The following IL18RAP variants were observed in gnomAD, a reference collection of about 807,000 sequenced individuals.
IL18RAP encodes the protein interleukin-18 receptor accessory protein.
In IL18RAP, 37 loss-of-function variants were observed where a neutral mutation model predicts 58.1. The ratio of observed to expected loss-of-function variants is 0.64; its 90% CI spans 0.49 to 0.84. IL18RAP has a LOEUF of 0.84. Among genes scored for constraint, IL18RAP ranks in the 40% least tolerant of loss-of-function variants. The probability of loss-of-function intolerance (pLI) is 0.00; values close to 1 mark genes in which losing one functional copy is unlikely to be tolerated. For missense variants in IL18RAP, 667 were observed against 704.8 expected, an observed-to-expected ratio of 0.95 and a Z score of 0.61; for synonymous variants, 268 against 257.5, an observed-to-expected ratio of 1.04 and a Z score of -0.39.
intron 3 of IL18RAP, 39 bp downstream of exon 3, chr2:102,424,453 T>G: frequency 6.5e-7 from 1 of 1,534,436 alleles, no homozygotes; most frequent in Non-Finnish European, 9.0e-7. Context: ...AAGAGCATTG[T>G]TTTTATGGTA....
At chr2:102,444,277 T>C (rs929298457) in intron 6 of IL18RAP, among the ~76,000 whole-genome samples, 1 of 152,216 alleles carries the variant, frequency 6.6e-6, no homozygotes, top group Non-Finnish European at 1.5e-5. Flanking sequence ...TAAGCTGATA[T>C]TGCATTAGAG....
chr2:102,432,484 T>G (rs919513105), intron 3 of IL18RAP: 1 of 154,380 alleles, frequency 6.5e-6, no homozygotes, highest in Non-Finnish European at 1.5e-5. Context: ...GAATGTGTAG[T>G]TGGGCAGGAC....
At chr2:102,419,205 T>C (rs11465676), upstream of IL18RAP, among the ~76,000 whole-genome samples, 2,576 of 152,318 alleles carry the variant, frequency 0.017, 74 homozygotes, top group African/African-American at 0.059. Flanking sequence ...GCAGAGAGAT[T>C]CAAGATATTT....
intron 3 of IL18RAP, among the ~76,000 whole-genome samples, chr2:102,429,455 C>T (rs1187285321): frequency 5.3e-5 from 8 of 151,668 alleles, no homozygotes; most frequent in Non-Finnish European, 1.0e-4. Flanking sequence ...TTTGAGTGTT[C>T]TCTTTTTTCT....
Position 102,452,140 on chromosome 2 carries a change from A to G in IL18RAP, c.1759A>G (p.Thr587Ala). 1 of 1,613,162 alleles carries G rather than the reference A, an allele frequency of 6.2e-7. No individual in the cohort carries two copies. The highest frequency in any genetic ancestry group is 1.1e-5 in the South Asian group (1 of 90,882). The change falls in exon 10 of 10, where the codon ACA (threonine) becomes GCA (alanine). Residue 587 changes from threonine to alanine, a missense_variant. Transcript: ENST00000687160. ...RIFQWKGLSRTETTGRSSQPK... is the reference protein window; with the variant it reads ...RIFQWKGLSRAETTGRSSQPK... ...TTTTCAGTGGAAAGGACTCAGTAGA[A>G]CAGAAACCACTGGGAGGAGCTCCCA...
chr2:102,450,810 A>G, intron 8 of IL18RAP, 38 bp from the exon 9 acceptor site: 1 of 1,399,462 alleles, frequency 7.1e-7, no homozygotes, highest in Non-Finnish European at 9.8e-7. Context: ...AAAAAAGAGT[A>G]AATGACTTAT....
At position 102,452,259 on chromosome 2, in the gene IL18RAP, T is replaced by G; in HGVS notation, c.*78T>G. On this transcript the variant is annotated 3_prime_UTR_variant, in exon 10 of 10. Coordinates refer to ENST00000687160, the MANE Select transcript of IL18RAP (RefSeq NM_001393487.1). ...GACAGAACTCACAGCTCTGTGTGTG[T>G]GTGTTCAGGCTGATAGGAAATTCAA... 3 of 1,348,942 alleles carry G rather than the reference T, an allele frequency of 2.2e-6. No homozygotes were observed. Among genetic ancestry groups the G allele is most frequent in the Non-Finnish European group, 3.1e-6 (3 of 983,208 alleles). 83.6% of individuals were successfully genotyped at this position (1,348,942 alleles called of 1,614,324 possible).
intron 3 of IL18RAP, among the ~76,000 whole-genome samples, chr2:102,436,699 G>A (rs940840318): frequency 2.6e-5 from 4 of 151,876 alleles, no homozygotes; most frequent in East Asian, 1.9e-4. Context: ...AGCCACTCAC[G>A]TTCCAGAACC....
chr2:102,428,916 T>C (rs1161243310), intron 3 of IL18RAP, among the ~76,000 whole-genome samples: 1 of 151,952 alleles, frequency 6.6e-6, no homozygotes, highest in Non-Finnish European at 1.5e-5. Flanking sequence ...ATGAAGGGTG[T>C]TAGATTTTGT....
chr2:102,451,710 C>G, intron 9 of IL18RAP, 56 bp from the exon 10 acceptor site: 1 of 1,456,938 alleles, frequency 6.9e-7, no homozygotes, highest in Non-Finnish European at 9.4e-7. Context: ...GCAAGGACCT[C>G]TCTGACTCAA....
intron 6 of IL18RAP, among the ~76,000 whole-genome samples, chr2:102,443,619 A>G (rs1344700866): frequency 6.6e-6 from 1 of 152,158 alleles, no homozygotes; most frequent in African/African-American, 2.4e-5. Context: ...ATGGGAGGAA[A>G]TGCTGCTTAC....
intron 1 of IL18RAP, 28 bp downstream of exon 1, chr2:102,423,375 A>G (rs1332805099): frequency 6.3e-7 from 1 of 1,578,272 alleles, no homozygotes; most frequent in Admixed American, 1.7e-5. Flanking sequence ...TCATGTTAGC[A>G]CTGTGAGTCT....
intron 8 of IL18RAP, among the ~76,000 whole-genome samples, chr2:102,450,369 A>T (rs1449720164): frequency 6.6e-6 from 1 of 152,056 alleles, no homozygotes; most frequent in East Asian, 1.9e-4. Flanking sequence ...GATTGTCTTT[A>T]TTTTACATAT....
chr2:102,444,687 G>A (rs11694360), intron 6 of IL18RAP, among the ~76,000 whole-genome samples: 39,229 of 152,142 alleles, frequency 0.26, 5,365 homozygotes, highest in East Asian at 0.4. Flanking sequence ...CACAAGCCCA[G>A]GAATCAAGCT....
At chr2:102,445,442 C>T (rs1352540113) in intron 7 of IL18RAP, 102 bp downstream of exon 7, 1 of 1,231,566 alleles carries the variant, frequency 8.1e-7, no homozygotes, top group African/African-American at 1.5e-5. Flanking sequence ...ATTACATTTT[C>T]TAGGTGACAG....
chr2:102,431,377 T>C (rs1682343454), intron 3 of IL18RAP, among the ~76,000 whole-genome samples: 1 of 152,248 alleles, frequency 6.6e-6, no homozygotes, highest in Non-Finnish European at 1.5e-5. Flanking sequence ...TTTTGACAAT[T>C]TGATTATGAT....
chr2:102,445,147 T>C, intron 6 of IL18RAP, 42 bp from the exon 7 acceptor site: 1 of 1,585,662 alleles, frequency 6.3e-7, no homozygotes, highest in African/African-American at 1.3e-5. Flanking sequence ...TGGGTGTCAA[T>C]GTATGTTACT....
rs998367854 is a variant in IL18RAP at position 102,449,800 on chromosome 2, T to G, written c.1211-1048T>G. Among the ~76,000 whole-genome samples the G allele has an allele frequency of 3.9e-5, 6 of 152,282 alleles. 1 individual carries two copies. The highest frequency in any genetic ancestry group is 3.4e-3 in the Middle Eastern group (1 of 294). ...GTGGAAGGAATAGAGGCAACTGTGGTGTGTTACACATTTAAACAGCACAGC... is the reference window on the plus strand; with the variant it reads ...GTGGAAGGAATAGAGGCAACTGTGGGGTGTTACACATTTAAACAGCACAGC... On this transcript the variant is annotated intron_variant, in intron 8 of 9. Transcript: ENST00000687160.
chr2:102,420,175 T>G (rs751936409), upstream of IL18RAP, among the ~76,000 whole-genome samples: 1 of 152,188 alleles, frequency 6.6e-6, no homozygotes, highest in East Asian at 1.9e-4. Flanking sequence ...GTTGGTCAGT[T>G]GCCTACAATG....
Sources: allele counts gnomAD v4.1 joint callset (sites outside exome capture counted in the v4.1 genomes callset), GRCh38; gene constraint gnomAD v4.1.1; transcripts MANE v1.5; gene names NCBI Gene and HGNC (gene_info 2026-07-23, HGNC 2026-07-21).